KCNAB1: variants seen among roughly 807,000 people sequenced by gnomAD.
KCNAB1 encodes the protein voltage-gated potassium channel subunit beta-1.
A neutral mutation model predicts 64.6 loss-of-function variants in KCNAB1; 35 were observed. The observed-to-expected ratio is 0.54, with a 90% CI of 0.41 to 0.72. The LOEUF is 0.72. KCNAB1 is among the 30% of genes least tolerant of loss of function. The pLI is 0.00. For synonymous variants in KCNAB1, 177 were observed against 183.8 expected (o/e 0.96, Z 0.30); for missense variants, 401 against 512.9 (o/e 0.78, Z 2.11).
chr3:156,494,959 C>A (rs1376614209), intron 8 of KCNAB1, among the ~76,000 whole-genome samples: 1 of 152,142 alleles, frequency 6.6e-6, no homozygotes, highest in East Asian at 1.9e-4. Flanking sequence ...CTGCACAGAT[C>A]ATCGCATGAC....
intron 1 of KCNAB1, among the ~76,000 whole-genome samples, chr3:156,138,503 T>C (rs1383569195): frequency 6.6e-6 from 1 of 152,198 alleles, no homozygotes; most frequent in Admixed American, 6.5e-5. Flanking sequence ...GTCCAAGATA[T>C]ACAGTGTTCA....
chr3:156,260,058 A>G (rs796935282), intron 1 of KCNAB1, among the ~76,000 whole-genome samples: 1 of 152,238 alleles, frequency 6.6e-6, no homozygotes, highest in African/African-American at 2.4e-5. Context: ...CCCCCCAGCA[A>G]CTAAACGCAT....
chr3:156,230,339 A>G lies in KCNAB1; in HGVS notation c.275+109453A>G, dbSNP rs576691973. 2.6e-5 allele frequency among the ~76,000 whole-genome samples: 4 copies of G among 152,336 alleles called. No individual in the cohort carries two copies. The South Asian group carries it at 8.3e-4, about 32-fold the overall frequency. The stretch of plus-strand genomic sequence containing the variant: ...ATTGCCTATGGTATTCAGTAGAGTA[A>G]CATGCTGCACAGCTTTGTAGTCTAG... On this transcript the variant is annotated intron_variant, in intron 1 of 13. Coordinates refer to ENST00000490337, the MANE Select transcript of KCNAB1 (RefSeq NM_172160.3).
At position 156,517,634 on chromosome 3, in the gene KCNAB1, CTATG is replaced by C. The variant is rs142527991; in HGVS notation, c.960+1272_960+1275del. On this transcript the variant is annotated intron_variant, in intron 11 of 13. Coordinates refer to ENST00000490337, the MANE Select transcript of KCNAB1 (RefSeq NM_172160.3). ...GAATTACAATTTTACTAAGTACCTACTATGTGCCAAGCACTGAGCTAAGTGTTTT... is the reference window on the plus strand; with the variant it reads ...GAATTACAATTTTACTAAGTACCTACTGCCAAGCACTGAGCTAAGTGTTTT... 5.4e-3 allele frequency among the ~76,000 whole-genome samples: 824 copies of C among 152,270 alleles called. 8 individuals carry two copies. Among genetic ancestry groups the C allele is most frequent in the African/African-American group, 0.019 (774 of 41,556 alleles).
intron 1 of KCNAB1, among the ~76,000 whole-genome samples, chr3:156,194,693 AT>A (rs1250484925): frequency 6.6e-6 from 1 of 152,080 alleles, no homozygotes; most frequent in Non-Finnish European, 1.5e-5. Flanking sequence ...GTTTTCAGGG[AT>A]TTTAATTATA....
chr3:156,133,589 G>A (rs1714124150), intron 1 of KCNAB1, among the ~76,000 whole-genome samples: 1 of 152,232 alleles, frequency 6.6e-6, no homozygotes, highest in South Asian at 2.1e-4. Context: ...GGGATGCAGA[G>A]TCAGGGCTTC....
At chr3:156,330,677 C>G in intron 1 of KCNAB1, among the ~76,000 whole-genome samples, 1 of 152,126 alleles carries the variant, frequency 6.6e-6, no homozygotes. Context: ...TTCATCATTT[C>G]CCTAAGGCAA....
intron 1 of KCNAB1, among the ~76,000 whole-genome samples, chr3:156,160,438 C>T (rs1014369169): frequency 1.3e-5 from 2 of 152,164 alleles, no homozygotes; most frequent in South Asian, 2.1e-4. Flanking sequence ...TCCATCTCCT[C>T]CTCCTCCTTC....
chr3:156,308,297 T>C (rs999474715), intron 1 of KCNAB1, among the ~76,000 whole-genome samples: 2 of 152,180 alleles, frequency 1.3e-5, no homozygotes, highest in Non-Finnish European at 2.9e-5. Context: ...TTGAGGGCCC[T>C]GTGGGCCATG....
chr3:156,467,073 T>G (rs1255400108), intron 7 of KCNAB1, among the ~76,000 whole-genome samples: 1 of 152,110 alleles, frequency 6.6e-6, no homozygotes, highest in Non-Finnish European at 1.5e-5. Context: ...TTAAATATGC[T>G]TAAAACACTT....
chr3:156,305,732 G>T (rs1166907665), intron 1 of KCNAB1, among the ~76,000 whole-genome samples: 4 of 152,114 alleles, frequency 2.6e-5, no homozygotes, highest in Admixed American at 6.5e-5. Context: ...CAAAAGAAAA[G>T]AAACCTAAAA....
intron 1 of KCNAB1, among the ~76,000 whole-genome samples, chr3:156,315,091 T>C (rs1052205416): frequency 1.3e-5 from 2 of 152,168 alleles, no homozygotes; most frequent in South Asian, 4.1e-4. Context: ...AGGAAACTGG[T>C]ACATACTTTG....
intron 1 of KCNAB1, among the ~76,000 whole-genome samples, chr3:156,374,123 T>C (rs1711512068): frequency 6.6e-6 from 1 of 152,196 alleles, no homozygotes; most frequent in Non-Finnish European, 1.5e-5. Context: ...ATTAAATGGG[T>C]TAGATCTTAC....
chr3:156,451,853 T>C (rs1027291261), intron 2 of KCNAB1, among the ~76,000 whole-genome samples: 3 of 152,080 alleles, frequency 2.0e-5, no homozygotes, highest in Non-Finnish European at 4.4e-5. Flanking sequence ...TTCGTTCAGT[T>C]AACCCCTGTG....
chr3:156,172,161 A>G (rs1712039901), intron 1 of KCNAB1, among the ~76,000 whole-genome samples: 2 of 152,322 alleles, frequency 1.3e-5, no homozygotes, highest in Non-Finnish European at 2.9e-5. Flanking sequence ...TTGTTATTAA[A>G]CCACATACTA....
intron 11 of KCNAB1, among the ~76,000 whole-genome samples, chr3:156,523,211 T>A (rs891160294): frequency 6.6e-6 from 1 of 152,194 alleles, no homozygotes; most frequent in Non-Finnish European, 1.5e-5. Context: ...ATTTGCAAAG[T>A]CTTTATCTAC....
intron 8 of KCNAB1, among the ~76,000 whole-genome samples, chr3:156,480,307 T>A (rs1714693706): frequency 6.6e-6 from 1 of 151,976 alleles, no homozygotes; most frequent in African/African-American, 2.4e-5. Context: ...TATATATAAT[T>A]TAAATTTTCT....
At chr3:156,152,079 CTG>C (rs891012607) in intron 1 of KCNAB1, among the ~76,000 whole-genome samples, 1 of 152,220 alleles carries the variant, frequency 6.6e-6, no homozygotes, top group African/African-American at 2.4e-5. Flanking sequence ...CTGACAACGA[CTG>C]TGTCTCCCAC....
At chr3:156,280,831 C>T (rs1455193179) in intron 1 of KCNAB1, among the ~76,000 whole-genome samples, 2 of 150,378 alleles carry the variant, frequency 1.3e-5, no homozygotes, top group Admixed American at 6.6e-5. Context: ...TGAGACTTTG[C>T]TGAAGTTGCT....
Sources: gnomAD v4.1 joint callset for allele counts (sites outside exome capture counted in the v4.1 genomes callset) on GRCh38, gnomAD v4.1.1 for gene constraint, MANE v1.5 for transcripts, NCBI Gene and HGNC (gene_info 2026-07-23, HGNC 2026-07-21) for gene names.